ANO4: variants seen among roughly 807,000 people sequenced by gnomAD.
The protein encoded by ANO4 is anoctamin-4.
A neutral mutation model predicts 141.9 loss-of-function variants in ANO4; 69 were observed. The observed-to-expected ratio is 0.49, with a 90% CI of 0.40 to 0.59. The LOEUF is 0.59. Among genes scored for constraint, ANO4 ranks in the 20% least tolerant of loss-of-function variants. The pLI is 0.00. For synonymous variants in ANO4, 350 were observed against 394.3 expected (o/e 0.89, Z 1.33); for missense variants, 894 against 1,162.2 (o/e 0.77, Z 3.36).
chr12:100,985,396 A>G (rs772730793), intron 7 of ANO4, among the ~76,000 whole-genome samples: 1 of 152,204 alleles, frequency 6.6e-6, no homozygotes, highest in Non-Finnish European at 1.5e-5. Flanking sequence ...AGTTCTAAAG[A>G]CTTTATATAT....
At chr12:101,085,780 A>G (rs948587908) in intron 16 of ANO4, among the ~76,000 whole-genome samples, 2 of 152,212 alleles carry the variant, frequency 1.3e-5, no homozygotes, top group African/African-American at 4.8e-5. Flanking sequence ...GGTTCACTCA[A>G]CAGCAAATAA....
At chr12:100,960,602 TAAAA>T (rs113871862) in intron 5 of ANO4, among the ~76,000 whole-genome samples, 1 of 136,476 alleles carries the variant, frequency 7.3e-6, no homozygotes, top group Admixed American at 7.3e-5. Flanking sequence ...TAAAGTAAAA[TAAAA>T]AAAAAAAAGA....
At chr12:101,002,737 G>A (rs1457911918) in intron 8 of ANO4, among the ~76,000 whole-genome samples, 1 of 152,076 alleles carries the variant, frequency 6.6e-6, no homozygotes, top group Non-Finnish European at 1.5e-5. Flanking sequence ...CTTTAATTAT[G>A]GCACTGACTA....
intron 1 of ANO4, among the ~76,000 whole-genome samples, chr12:100,728,858 G>T (rs1408465700): frequency 6.6e-6 from 1 of 152,112 alleles, no homozygotes; most frequent in Non-Finnish European, 1.5e-5. Context: ...AAGTGAGGAA[G>T]AAAAATGTGT....
intron 3 of ANO4, among the ~76,000 whole-genome samples, chr12:100,777,387 G>A (rs2033559432): frequency 1.3e-5 from 2 of 148,214 alleles, no homozygotes; most frequent in Admixed American, 1.4e-4. Context: ...CCAAAGTGCT[G>A]GGATTACAGG....
chr12:100,939,977 T>G (rs1021075236), intron 4 of ANO4, among the ~76,000 whole-genome samples: 1 of 152,176 alleles, frequency 6.6e-6, no homozygotes, highest in Non-Finnish European at 1.5e-5. Flanking sequence ...TGTGTCTCAA[T>G]AGAGTTTAAT....
chr12:100,817,592 G>A (rs2035808768), intron 1 of ANO4, among the ~76,000 whole-genome samples: 1 of 151,872 alleles, frequency 6.6e-6, no homozygotes, highest in African/African-American at 2.4e-5. Context: ...AGCCACGAGT[G>A]ACAGAAAGAA....
At chr12:100,804,564 A>G (rs1367115070) in intron 1 of ANO4, among the ~76,000 whole-genome samples, 1 of 152,228 alleles carries the variant, frequency 6.6e-6, no homozygotes, top group African/African-American at 2.4e-5. Context: ...TTACACTCCC[A>G]CCAACAATGT....
At chr12:100,773,923 A>G (rs1021959530) in intron 3 of ANO4, among the ~76,000 whole-genome samples, 3 of 152,080 alleles carry the variant, frequency 2.0e-5, no homozygotes, top group African/African-American at 7.2e-5. Flanking sequence ...AATATGGCCC[A>G]CTTCCTGGTT....
intron 3 of ANO4, among the ~76,000 whole-genome samples, chr12:100,760,825 A>T (rs1304204748): frequency 1.3e-5 from 2 of 152,280 alleles, no homozygotes; most frequent in East Asian, 3.9e-4. Flanking sequence ...TGGCTTGCCC[A>T]TCTTCTCCTT....
At chr12:100,915,861 A>G (rs920342784) in intron 2 of ANO4, among the ~76,000 whole-genome samples, 3 of 152,196 alleles carry the variant, frequency 2.0e-5, no homozygotes, top group African/African-American at 7.2e-5. Flanking sequence ...AGGTTAGTTT[A>G]GTGCCAGTAT....
At chr12:100,896,424 C>A (rs751774223) in intron 1 of ANO4, among the ~76,000 whole-genome samples, 2 of 151,504 alleles carry the variant, frequency 1.3e-5, no homozygotes, top group Non-Finnish European at 1.5e-5. Context: ...CTGAAGGAGG[C>A]AAGGAATGGA....
At position 100,807,932 on chromosome 12, in the gene ANO4, A is replaced by G. The variant is rs1030824941; in HGVS notation, c.-141+12905A>G. ...ATGGCTGCATAATATTCCACGGTAT[A>G]TATGTACCACATCTTCTTTAGCCAG... On this transcript the variant is annotated intron_variant, in intron 1 of 27. Coordinates refer to ENST00000392977, the MANE Select transcript of ANO4 (RefSeq NM_001286615.2). Among the ~76,000 whole-genome samples the G allele has an allele frequency of 1.2e-4, 18 of 152,292 alleles. 1 individual carries two copies. Among genetic ancestry groups the G allele is most frequent in the African/African-American group, 4.3e-4 (18 of 41,546 alleles).
intron 1 of ANO4, among the ~76,000 whole-genome samples, chr12:100,732,350 A>G (rs1410161520): frequency 6.6e-6 from 1 of 152,060 alleles, no homozygotes. Flanking sequence ...TCATGTGTGT[A>G]TCTGCCATCT....
chr12:101,020,516 T>C (rs895667949), intron 9 of ANO4, among the ~76,000 whole-genome samples: 1 of 152,204 alleles, frequency 6.6e-6, no homozygotes, highest in Admixed American at 6.5e-5. Flanking sequence ...AACTGGATGA[T>C]GATACAGAGA....
intron 25 of ANO4, among the ~76,000 whole-genome samples, 163 bp downstream of exon 25, chr12:101,116,961 C>T (rs1187246082): frequency 2.6e-5 from 4 of 152,146 alleles, no homozygotes; most frequent in Admixed American, 6.5e-5. Flanking sequence ...TTCTCTTGCC[C>T]GGGATACAAC....
At chr12:100,717,665 G>A in intron 1 of ANO4, 2 of 396,326 alleles carry the variant, frequency 5.0e-6, no homozygotes, top group South Asian at 2.6e-4. Context: ...CTGGAAGGGA[G>A]GGAGACGGCG....
At chr12:100,832,646 T>A (rs1245204452) in intron 1 of ANO4, among the ~76,000 whole-genome samples, 1 of 152,124 alleles carries the variant, frequency 6.6e-6, no homozygotes, top group Non-Finnish European at 1.5e-5. Flanking sequence ...ATAGTTCTTT[T>A]CTTTGCTGTG....
At chr12:100,749,584 A>C (rs534959972) in intron 3 of ANO4, among the ~76,000 whole-genome samples, 1 of 152,350 alleles carries the variant, frequency 6.6e-6, no homozygotes, top group South Asian at 2.1e-4. Flanking sequence ...GAAGACTGAA[A>C]ACACCAATGA....
Sources: allele counts gnomAD v4.1 joint callset (sites outside exome capture counted in the v4.1 genomes callset), GRCh38; gene constraint gnomAD v4.1.1; transcripts MANE v1.5; gene names NCBI Gene and HGNC (gene_info 2026-07-23, HGNC 2026-07-21).